The following AR variants were observed in gnomAD, a reference collection of about 807,000 sequenced individuals.
AR encodes the protein dihydrotestosterone receptor.
AR carries 8 observed loss-of-function variants against 53.9 expected under a neutral mutation model. The ratio of observed to expected loss-of-function variants is 0.15; its 90% confidence interval spans 0.09 to 0.27. The LOEUF is 0.27. AR is among the 10% of genes least tolerant of loss of function. The pLI is 1.00. For synonymous variants in AR, 359 were observed against 316.4 expected (o/e 1.13, Z -1.43); for missense variants, 639 against 742.5 (o/e 0.86, Z 1.62).
chrX:67,558,928 T>C (rs1921176495), intron 1 of AR, among the ~76,000 whole-genome samples: 1 of 112,304 alleles, frequency 8.9e-6, no homozygotes, highest in South Asian at 3.7e-4. Flanking sequence ...TTAAATAACA[T>C]GCACAAGATT....
At position 67,728,085 on chromosome X, in the gene AR, AG is replaced by A. The variant is rs1555998928; in HGVS notation, c.*4251del. 5 of 171,665 alleles carry A rather than the reference AG, an allele frequency of 2.9e-5. No homozygotes were observed. The highest frequency in any genetic ancestry group is 6.0e-5 in the African/African-American group (2 of 33,604). The allele number at this position is 171,665 out of a possible 1,213,427, so 14.1% of individuals were successfully genotyped here. On this transcript the variant is annotated 3_prime_UTR_variant, in exon 8 of 8. Transcript: ENST00000374690. Reference sequence around the variant, plus strand: ...CTAAGATACCAAAATTCATAAGGGCAGGGGGGGAGCAAGCATTAGTGCCTCT... The same window carrying A: ...CTAAGATACCAAAATTCATAAGGGCAGGGGGGAGCAAGCATTAGTGCCTCT...
intron 2 of AR, among the ~76,000 whole-genome samples, chrX:67,664,122 T>C (rs1240216055): frequency 8.9e-6 from 1 of 112,391 alleles, no homozygotes; most frequent in African/African-American, 3.2e-5. Flanking sequence ...TCTCAACTCG[T>C]CAAAGTCATT....
At chrX:67,673,269 T>C (rs1198841135) in intron 2 of AR, among the ~76,000 whole-genome samples, 1 of 110,376 alleles carries the variant, frequency 9.1e-6, no homozygotes, top group Non-Finnish European at 1.9e-5. Context: ...CTTCTTCGTG[T>C]TCTTGTACTT....
At chrX:67,634,581 G>T (rs888967223) in intron 1 of AR, among the ~76,000 whole-genome samples, 1 of 112,000 alleles carries the variant, frequency 8.9e-6, no homozygotes, top group African/African-American at 3.2e-5. Flanking sequence ...TTATTAAAGA[G>T]AATTGAAAAG....
At chrX:67,702,352 C>T (rs1043841238) in intron 3 of AR, among the ~76,000 whole-genome samples, 4 of 111,214 alleles carry the variant, frequency 3.6e-5, no homozygotes, top group African/African-American at 1.3e-4. Context: ...GGAGCAGATC[C>T]TGTAGGCCAC....
chrX:67,633,082 C>T (rs1456690858), intron 1 of AR, among the ~76,000 whole-genome samples: 1 of 112,045 alleles, frequency 8.9e-6, no homozygotes, highest in Non-Finnish European at 1.9e-5. Context: ...TCATGCAGCC[C>T]TTTGAAATAC....
chrX:67,688,827 A>T (rs2075980822), intron 3 of AR, among the ~76,000 whole-genome samples: 1 of 111,733 alleles, frequency 8.9e-6, no homozygotes, highest in Non-Finnish European at 1.9e-5. Flanking sequence ...TTACACATTC[A>T]ATGCACAGCA....
At chrX:67,592,817 A>G (rs1199996075) in intron 1 of AR, among the ~76,000 whole-genome samples, 2 of 111,011 alleles carry the variant, frequency 1.8e-5, no homozygotes, top group Admixed American at 1.9e-4. Context: ...TGTGGCAATG[A>G]CTTACTGAGT....
chrX:67,554,293 C>T (rs892320615), intron 1 of AR, among the ~76,000 whole-genome samples: 1 of 111,990 alleles, frequency 8.9e-6, no homozygotes, highest in African/African-American at 3.2e-5. Context: ...TTTAGGTTAT[C>T]GTAAGCAGCT....
intron 2 of AR, among the ~76,000 whole-genome samples, chrX:67,648,707 ATT>A (rs1285270386): frequency 8.9e-6 from 1 of 111,979 alleles, no homozygotes; most frequent in Non-Finnish European, 1.9e-5. Flanking sequence ...GTGCCTGCTT[ATT>A]TATAGCCTGT....
chrX:67,559,950 T>G (rs1921223307), intron 1 of AR, among the ~76,000 whole-genome samples: 1 of 112,272 alleles, frequency 8.9e-6, no homozygotes, highest in Admixed American at 9.5e-5. Context: ...GAAAAATTTG[T>G]TTGATCAGCC....
chrX:67,614,322 A>G (rs1224941788), intron 1 of AR, among the ~76,000 whole-genome samples: 2 of 112,009 alleles, frequency 1.8e-5, no homozygotes, highest in Non-Finnish European at 3.8e-5. Context: ...ATATACACTT[A>G]TACAAAATAT....
rs139524801 is a variant in AR, at chrX:67,643,283, G to A, written c.1644G>A (p.Leu548=). ...TGGAGACTGCCAGGGACCATGTTTT[G>A]CCCATTGACTATTACTTTCCACCCC... ...MRLETARDHV[L]PIDYYFPPQK... is the part of the protein sequence containing the mutation. The change falls in exon 2 of 8, where the codon TTG becomes TTA. Residue 548 remains leucine, a synonymous_variant. Coordinates refer to ENST00000374690, the MANE Select transcript of AR (RefSeq NM_000044.6). 1 of 1,209,671 alleles carries A rather than the reference G, an allele frequency of 8.3e-7. No individual in the cohort carries two copies. Among genetic ancestry groups the A allele is most frequent in the Non-Finnish European group, 1.1e-6 (1 of 895,057 alleles).
At chrX:67,668,099 T>C (rs1020147078) in intron 2 of AR, among the ~76,000 whole-genome samples, 7 of 112,097 alleles carry the variant, frequency 6.2e-5, no homozygotes, top group Non-Finnish European at 1.1e-4. Context: ...TCCAGTACTC[T>C]GTTGAATAAC....
At chrX:67,682,527 G>A (rs749013764) in intron 2 of AR, among the ~76,000 whole-genome samples, 1 of 110,712 alleles carries the variant, frequency 9.0e-6, no homozygotes, top group East Asian at 2.9e-4. Context: ...CTGTGCTCAA[G>A]CAATCTTTCC....
At chrX:67,705,701 A>G (rs2076063673) in intron 3 of AR, among the ~76,000 whole-genome samples, 1 of 111,675 alleles carries the variant, frequency 9.0e-6, no homozygotes, top group African/African-American at 3.3e-5. Context: ...GAATGGTGAG[A>G]GAGGGCATCC....
intron 2 of AR, among the ~76,000 whole-genome samples, chrX:67,685,526 G>A (rs1029627088): frequency 9.0e-6 from 1 of 111,523 alleles, no homozygotes; most frequent in African/African-American, 3.3e-5. Context: ...GTTATCTTTT[G>A]TAGAAATTTT....
intron 1 of AR, among the ~76,000 whole-genome samples, chrX:67,595,033 G>T (rs1011985184): frequency 9.0e-6 from 1 of 111,568 alleles, no homozygotes; most frequent in African/African-American, 3.3e-5. Flanking sequence ...GAATGCAAAA[G>T]ATTCTGAAGG....
intron 1 of AR, among the ~76,000 whole-genome samples, chrX:67,578,503 T>C (rs1602167922): frequency 9.0e-6 from 1 of 111,652 alleles, no homozygotes; most frequent in Non-Finnish European, 1.9e-5. Context: ...GTAAAAACAA[T>C]AAGAGCATGT....
Sources: gnomAD v4.1 joint callset for allele counts (sites outside exome capture counted in the v4.1 genomes callset) on GRCh38, gnomAD v4.1.1 for gene constraint, MANE v1.5 for transcripts, NCBI Gene and HGNC (gene_info 2026-07-23, HGNC 2026-07-21) for gene names.